Variants in SV2C observed in about 807,000 individuals in gnomAD.
The protein encoded by SV2C is solute carrier family 22 member B3.
A neutral mutation model predicts 79.7 loss-of-function variants in SV2C; 49 were observed. The observed-to-expected ratio is 0.61, with a 90% CI of 0.49 to 0.78. SV2C has a LOEUF of 0.78. Among genes scored for constraint, SV2C ranks in the 30% least tolerant of loss-of-function variants. The probability of loss-of-function intolerance (pLI) is 0.00; values close to 1 mark genes in which losing one functional copy is unlikely to be tolerated. For synonymous variants in SV2C, 334 were observed against 333.2 expected (o/e 1.00, Z -0.03); for missense variants, 833 against 912.9 (o/e 0.91, Z 1.13).
chr5:76,107,681 C>T (rs957277882), intron 1 of SV2C, among the ~76,000 whole-genome samples: 1 of 151,982 alleles, frequency 6.6e-6, no homozygotes, highest in African/African-American at 2.4e-5. Flanking sequence ...ATGGTGAAAC[C>T]GTCTCTACCA....
intron 1 of SV2C, among the ~76,000 whole-genome samples, chr5:76,107,439 C>T (rs564287249): frequency 6.0e-4 from 91 of 152,196 alleles, no homozygotes; most frequent in African/African-American, 2.0e-3. Flanking sequence ...TGCATATATG[C>T]ATTTATGTAT....
chr5:75,899,792 G>T, the SV2C span, among the ~76,000 whole-genome samples: 1 of 152,114 alleles, frequency 6.6e-6, no homozygotes, highest in African/African-American at 2.4e-5. Flanking sequence ...AGCTCTTCTT[G>T]TTGAATTGAT....
the SV2C span, among the ~76,000 whole-genome samples, chr5:76,006,843 A>T: frequency 6.6e-6 from 1 of 152,080 alleles, no homozygotes; most frequent in African/African-American, 2.4e-5. Flanking sequence ...ATTAGTCCCT[A>T]TGTTTGAGAG....
intron 2 of SV2C, among the ~76,000 whole-genome samples, chr5:76,171,608 T>A (rs1472311151): frequency 9.5e-6 from 1 of 104,874 alleles, no homozygotes; most frequent in Non-Finnish European, 2.2e-5. Context: ...AGGAGAGAGG[T>A]GGGGGGGGGG....
At chr5:75,915,165 A>G in the SV2C span, among the ~76,000 whole-genome samples, 1 of 152,182 alleles carries the variant, frequency 6.6e-6, no homozygotes, top group Admixed American at 6.5e-5. Context: ...GTGGGGACAC[A>G]GTCAAACCAT....
the SV2C span, among the ~76,000 whole-genome samples, chr5:75,995,896 T>G: frequency 2.0e-5 from 3 of 152,098 alleles, no homozygotes; most frequent in Admixed American, 6.6e-5. Flanking sequence ...ATCTATAACT[T>G]GAGCCCACAA....
chr5:76,212,835 C>T, intron 4 of SV2C, among the ~76,000 whole-genome samples: 1 of 152,290 alleles, frequency 6.6e-6, no homozygotes, highest in East Asian at 1.9e-4. Context: ...CAGATTTTCT[C>T]TCCTGCCTTG....
In SV2C at chr5:76,291,678, T is replaced by C. The variant is rs1747570405; in HGVS notation, c.1249-90T>C. The C allele has an allele frequency of 1.7e-5, 15 of 865,082 alleles. No individual in the cohort carries two copies. The South Asian group carries it at 2.5e-4, about 14-fold the overall frequency. 53.6% of individuals were successfully genotyped at this position (865,082 alleles called of 1,614,324 possible). A position where few individuals can be genotyped will look rare whatever the true frequency, so the allele number is the denominator to read the frequency against. ...GAAATGAATCCAACCCAATGACAAC[T>C]CAGCATTTTTTATAATTTGGTGGAA... On this transcript the variant is annotated intron_variant, in intron 7 of 12. Transcript: ENST00000502798.
intron 1 of SV2C, among the ~76,000 whole-genome samples, chr5:76,084,812 CG>C (rs1469545927): frequency 6.7e-6 from 1 of 149,290 alleles, no homozygotes; most frequent in Admixed American, 6.7e-5. Flanking sequence ...AGCGGCGACC[CG>C]GCGGGGCAGA....
intron 2 of SV2C, among the ~76,000 whole-genome samples, chr5:76,169,262 T>G (rs1312167518): frequency 6.6e-6 from 1 of 152,174 alleles, no homozygotes; most frequent in Non-Finnish European, 1.5e-5. Context: ...TTAGAAGCAC[T>G]CCAATTTCCA....
chr5:76,161,699 A>G (rs945838554), intron 2 of SV2C, among the ~76,000 whole-genome samples: 5 of 152,302 alleles, frequency 3.3e-5, no homozygotes, highest in South Asian at 4.1e-4. Flanking sequence ...GCAGTTGCAT[A>G]TATCTGTAAA....
intron 3 of SV2C, among the ~76,000 whole-genome samples, chr5:76,195,979 G>A (rs939983101): frequency 2.6e-5 from 4 of 151,682 alleles, no homozygotes; most frequent in African/African-American, 9.7e-5. Flanking sequence ...TTTTCAAGAT[G>A]TCTAACACAA....
intron 8 of SV2C, among the ~76,000 whole-genome samples, chr5:76,292,961 T>G (rs1442288132): frequency 6.6e-6 from 1 of 152,190 alleles, no homozygotes; most frequent in Non-Finnish European, 1.5e-5. Context: ...TGTTGCAAGT[T>G]TCATCTCTTA....
At chr5:76,169,355 G>A (rs1204804805) in intron 2 of SV2C, among the ~76,000 whole-genome samples, 2 of 152,186 alleles carry the variant, frequency 1.3e-5, no homozygotes, top group African/African-American at 4.8e-5. Context: ...CTAGGGCACT[G>A]TGCTTAGCAT....
rs1742467766 is a variant in SV2C at position 76,329,626 on chromosome 5, T to C, written c.*4079T>C. On this transcript the variant is annotated 3_prime_UTR_variant, in exon 13 of 13. Coordinates refer to ENST00000502798, the MANE Select transcript of SV2C (RefSeq NM_014979.4). Reference sequence around the variant, plus strand: ...AGATTAGGACACAGCAGAGACTTTCTAAATGCTGGGGTCATTTCCAAAGCA... The same window carrying C: ...AGATTAGGACACAGCAGAGACTTTCCAAATGCTGGGGTCATTTCCAAAGCA... 1.3e-5 allele frequency: 2 copies of C among 152,280 alleles called. No individual in the cohort carries two copies. Among genetic ancestry groups the C allele is most frequent in the South Asian group, 2.1e-4 (1 of 4,838 alleles). The allele number at this position is 152,280 out of a possible 1,614,324, so 9.4% of individuals were successfully genotyped here.
intron 1 of SV2C, among the ~76,000 whole-genome samples, chr5:76,099,326 C>T (rs1747662805): frequency 6.6e-6 from 1 of 151,470 alleles, no homozygotes. Flanking sequence ...AATATTTTTA[C>T]TGTACTTCCT....
chr5:76,241,766 A>G (rs1056460425), intron 4 of SV2C, among the ~76,000 whole-genome samples: 10 of 152,208 alleles, frequency 6.6e-5, no homozygotes, highest in African/African-American at 2.2e-4. Context: ...CTCCTCCTGG[A>G]AGCCAAGAGG....
the SV2C span, among the ~76,000 whole-genome samples, chr5:75,900,455 C>A: frequency 6.6e-6 from 1 of 152,170 alleles, no homozygotes; most frequent in South Asian, 2.1e-4. Context: ...ATGGGCTTCC[C>A]TTTGTGGGTA....
chr5:75,982,098 G>A, the SV2C span, among the ~76,000 whole-genome samples: 2 of 104,498 alleles, frequency 1.9e-5, no homozygotes, highest in African/African-American at 3.7e-5. Context: ...GGGGAGGGGG[G>A]AGGGATAGCA....
Sources: allele counts gnomAD v4.1 joint callset (sites outside exome capture counted in the v4.1 genomes callset), GRCh38; gene constraint gnomAD v4.1.1; transcripts MANE v1.5; gene names NCBI Gene and HGNC (gene_info 2026-07-23, HGNC 2026-07-21).